Variants in C1orf54 observed in about 807,000 individuals in gnomAD.
C1orf54 encodes the protein uncharacterized protein C1orf54.
In C1orf54, 12 loss-of-function variants were observed where a neutral mutation model predicts 14.7. The observed-to-expected ratio is 0.82, with a 90% confidence interval of 0.52 to 1.32. The LOEUF is 1.32. Ranked by LOEUF, C1orf54 falls within the 40% of genes most tolerant of loss-of-function variation. The pLI is 0.00. For missense variants in C1orf54, 163 were observed against 162.2 expected, an observed-to-expected ratio of 1.00 and a Z score of -0.03; for synonymous variants, 65 against 56.3, an observed-to-expected ratio of 1.16 and a Z score of -0.70.
intron 3 of C1orf54, among the ~76,000 whole-genome samples, 177 bp from the exon 4 acceptor site, chr1:150,276,345 G>A (rs1572107401): frequency 6.6e-6 from 1 of 152,134 alleles, no homozygotes; most frequent in Non-Finnish European, 1.5e-5. Flanking sequence ...GGCATCAAGG[G>A]ACTTTTGAAT....
At chr1:150,280,488 TG>T (rs1290505415) in intron 5 of C1orf54, among the ~76,000 whole-genome samples, 2 of 152,026 alleles carry the variant, frequency 1.3e-5, no homozygotes, top group African/African-American at 4.8e-5. Flanking sequence ...GAGGGCAAAG[TG>T]GGTGGGTCTT....
upstream of C1orf54, chr1:150,272,739 G>A (rs922648461): frequency 4.1e-6 from 6 of 1,454,608 alleles, no homozygotes; most frequent in African/African-American, 8.4e-5. Flanking sequence ...CTTTGGAGGA[G>A]GAGGGGAGGC....
At chr1:150,271,680 G>A (rs587643038), upstream of C1orf54, among the ~76,000 whole-genome samples, 5 of 152,324 alleles carry the variant, frequency 3.3e-5, no homozygotes, top group African/African-American at 9.6e-5. Flanking sequence ...ATGAACATGG[G>A]AAACATAAAA....
At chr1:150,269,204 C>G (rs1487333193), upstream of C1orf54, 1 of 189,972 alleles carries the variant, frequency 5.3e-6, no homozygotes, top group Non-Finnish European at 1.1e-5. Context: ...ATGGACCAGT[C>G]GAGACACCAA....
At chr1:150,268,748 G>A (rs1553850493), upstream of C1orf54, 2 of 1,613,876 alleles carry the variant, frequency 1.2e-6, no homozygotes, top group South Asian at 2.2e-5. Context: ...CAGTGATCAA[G>A]AAAAGCGCGA....
intron 1 of C1orf54, 147 bp from the exon 2 acceptor site, chr1:150,273,940 A>C: frequency 1.6e-6 from 1 of 636,828 alleles, no homozygotes; most frequent in South Asian, 1.8e-5. Context: ...CACAGGCAAG[A>C]AAGGAGTATG....
intron 1 of C1orf54, 84 bp downstream of exon 1, chr1:150,272,947 G>A (rs1472748656): frequency 1.1e-5 from 16 of 1,454,978 alleles, no homozygotes; most frequent in Non-Finnish European, 1.4e-5. Flanking sequence ...GAGTGGGTGA[G>A]AGGTACATTT....
chr1:150,273,148 G>T (rs587711222), intron 1 of C1orf54, among the ~76,000 whole-genome samples: 1 of 152,310 alleles, frequency 6.6e-6, no homozygotes, highest in South Asian at 2.1e-4. Flanking sequence ...AGTTGAACAA[G>T]ATGACAGGGG....
intron 3 of C1orf54, 132 bp from the exon 4 acceptor site, chr1:150,276,390 G>A: frequency 1.4e-6 from 1 of 693,264 alleles, no homozygotes. Context: ...CATAGGGTAG[G>A]GGGGAATCCC....
At chr1:150,273,754 T>C (rs1477484058) in intron 1 of C1orf54, among the ~76,000 whole-genome samples, 3 of 152,140 alleles carry the variant, frequency 2.0e-5, no homozygotes, top group African/African-American at 7.2e-5. Flanking sequence ...AGACTTGGCG[T>C]TTTTAATTCC....
At chr1:150,268,832 G>T, upstream of C1orf54, 1 of 1,600,250 alleles carries the variant, frequency 6.2e-7, no homozygotes. Flanking sequence ...TGGGAAGGGG[G>T]GTGGGGGCCT....
At chr1:150,269,668 A>G (rs1375935117), upstream of C1orf54, 1 of 152,084 alleles carries the variant, frequency 6.6e-6, no homozygotes, top group Non-Finnish European at 1.5e-5. Flanking sequence ...CCCGCCATAA[A>G]TTCCTTTTAT....
chr1:150,271,120 CTTTT>C (rs1161498956), upstream of C1orf54, among the ~76,000 whole-genome samples: 1 of 147,304 alleles, frequency 6.8e-6, no homozygotes, highest in East Asian at 2.0e-4. Flanking sequence ...ATTCTCATGT[CTTTT>C]TTTTTTGAGA....
chr1:150,276,657 T>G, intron 4 of C1orf54, 25 bp downstream of exon 4: 4 of 1,571,340 alleles, frequency 2.5e-6, no homozygotes, highest in African/African-American at 1.4e-5. Context: ...GATTGGGGGC[T>G]GGGGGGAGAC....
chr1:150,280,741 A>G (rs1245282175), intron 5 of C1orf54, 94 bp from the exon 6 acceptor site: 4 of 980,030 alleles, frequency 4.1e-6, no homozygotes, highest in South Asian at 1.4e-5. Context: ...CCAGCTCAGA[A>G]TATCTGGGGA....
At chr1:150,276,152 AAAAAG>A (rs1553852411) in intron 3 of C1orf54, among the ~76,000 whole-genome samples, 3 of 152,124 alleles carry the variant, frequency 2.0e-5, no homozygotes, top group Non-Finnish European at 4.4e-5. Flanking sequence ...AAAAAAAAGA[AAAAAG>A]AAAAGAAAAG....
chr1:150,274,457 G>A (rs995819347), intron 2 of C1orf54, among the ~76,000 whole-genome samples: 7 of 151,818 alleles, frequency 4.6e-5, no homozygotes, highest in South Asian at 2.1e-4. Flanking sequence ...AAAATTAGCC[G>A]GGTGTGGTGG....
intron 2 of C1orf54, among the ~76,000 whole-genome samples, chr1:150,274,428 G>A (rs999422952): frequency 2.0e-5 from 3 of 151,652 alleles, no homozygotes; most frequent in African/African-American, 7.3e-5. Flanking sequence ...GTGAAACCCT[G>A]TCTCTACTAA....
chr1:150,280,634 A>G (rs1209798215), intron 5 of C1orf54, among the ~76,000 whole-genome samples: 1 of 152,200 alleles, frequency 6.6e-6, no homozygotes, highest in Non-Finnish European at 1.5e-5. Flanking sequence ...GGGATGCTAA[A>G]TAACCATTGA....
Sources: gnomAD v4.1 joint callset for allele counts (sites outside exome capture counted in the v4.1 genomes callset) on GRCh38, gnomAD v4.1.1 for gene constraint, MANE v1.5 for transcripts, NCBI Gene and HGNC (gene_info 2026-07-23, HGNC 2026-07-21) for gene names.